CADM2: variants seen among roughly 807,000 people sequenced by gnomAD.
CADM2 encodes the protein immunoglobulin superfamily member 4D.
CADM2 carries 12 observed loss-of-function variants against 49.8 expected under a neutral mutation model. The ratio of observed to expected loss-of-function variants is 0.24; its 90% CI spans 0.15 to 0.39. The LOEUF (loss-of-function observed/expected upper bound fraction) is 0.39. CADM2 is among the 10% of genes least tolerant of loss of function. CADM2 has a pLI of 1.00. For missense variants in CADM2, 378 were observed against 492.3 expected (o/e 0.77, Z 2.20); for synonymous variants, 214 against 175.4 (o/e 1.22, Z -1.74).
chr3:85,504,365 C>A (rs193168209), intron 1 of CADM2, among the ~76,000 whole-genome samples: 1 of 152,178 alleles, frequency 6.6e-6, no homozygotes, highest in African/African-American at 2.4e-5. Context: ...AAAGAGTGAG[C>A]AGTGGCAAGA....
intron 1 of CADM2, among the ~76,000 whole-genome samples, chr3:84,973,289 T>C (rs1049787585): frequency 4.6e-5 from 7 of 152,154 alleles, no homozygotes; most frequent in African/African-American, 1.7e-4. Flanking sequence ...AATGCAGATA[T>C]ATCAATGAGG....
At chr3:85,185,469 C>A (rs1030501035) in intron 1 of CADM2, among the ~76,000 whole-genome samples, 3 of 152,006 alleles carry the variant, frequency 2.0e-5, no homozygotes, top group African/African-American at 7.2e-5. Context: ...TCATATGCAG[C>A]ATAAGCACTT....
At chr3:84,992,711 C>T (rs1212884702) in intron 1 of CADM2, among the ~76,000 whole-genome samples, 1 of 152,072 alleles carries the variant, frequency 6.6e-6, no homozygotes, top group Non-Finnish European at 1.5e-5. Flanking sequence ...CTTAGTACCT[C>T]AAATCGTATT....
At chr3:85,678,652 G>A (rs73143380) in intron 1 of CADM2, among the ~76,000 whole-genome samples, 8,833 of 152,112 alleles carry the variant, frequency 0.058, 411 homozygotes, top group Non-Finnish European at 0.082. Context: ...AACATTTTCC[G>A]TTCATCATCT....
At chr3:85,450,425 T>A (rs2037701337) in intron 1 of CADM2, among the ~76,000 whole-genome samples, 1 of 152,008 alleles carries the variant, frequency 6.6e-6, no homozygotes, top group Non-Finnish European at 1.5e-5. Flanking sequence ...CAGAAAATGG[T>A]TTTGAACAAT....
rs558528719 is a variant in CADM2, at chr3:85,307,554, C to G, written c.61+347886C>G. Among the ~76,000 whole-genome samples, 233 of 151,618 alleles carry G rather than the reference C, an allele frequency of 1.5e-3. 2 individuals are homozygous for G. Among genetic ancestry groups the G allele is most frequent in the African/African-American group, 5.5e-3 (226 of 41,448 alleles). ...ATTTTTACAATAATTAAATAATTTC[C>G]AATGCTGCAATTTATTTCATTGTTT... On this transcript the variant is annotated intron_variant, in intron 1 of 9. Coordinates refer to ENST00000383699, the MANE Select transcript of CADM2 (RefSeq NM_001167675.2).
At chr3:85,283,802 G>A (rs2043562220) in intron 1 of CADM2, among the ~76,000 whole-genome samples, 1 of 152,068 alleles carries the variant, frequency 6.6e-6, no homozygotes, top group Admixed American at 6.6e-5. Context: ...AGTAGGGCAA[G>A]GATTAGTGAG....
chr3:85,194,067 A>G (rs2041278642), intron 1 of CADM2, among the ~76,000 whole-genome samples: 1 of 152,136 alleles, frequency 6.6e-6, no homozygotes, highest in Non-Finnish European at 1.5e-5. Flanking sequence ...AAGCCTTCCT[A>G]AAGAAGTAGT....
chr3:85,655,769 AG>A (rs2065178165), intron 1 of CADM2, among the ~76,000 whole-genome samples: 1 of 152,160 alleles, frequency 6.6e-6, no homozygotes, highest in Admixed American at 6.5e-5. Context: ...TCACCAGAAA[AG>A]TGATTGTTAA....
At chr3:85,225,312 T>C (rs1559730313) in intron 1 of CADM2, among the ~76,000 whole-genome samples, 1 of 152,342 alleles carries the variant, frequency 6.6e-6, no homozygotes, top group African/African-American at 2.4e-5. Context: ...GAAGAGGTCA[T>C]TCACATCCCT....
chr3:85,188,618 G>T (rs1454962175), intron 1 of CADM2, among the ~76,000 whole-genome samples: 2 of 151,224 alleles, frequency 1.3e-5, no homozygotes, highest in East Asian at 1.9e-4. Flanking sequence ...ATATCCTGTG[G>T]GTGTCAATCA....
chr3:85,443,923 A>C (rs2037323997), intron 1 of CADM2, among the ~76,000 whole-genome samples: 1 of 151,946 alleles, frequency 6.6e-6, no homozygotes, highest in South Asian at 2.1e-4. Flanking sequence ...TTAGATAGGT[A>C]TCTCAGATTT....
At chr3:85,671,491 A>G (rs1185072379) in intron 1 of CADM2, among the ~76,000 whole-genome samples, 2 of 152,230 alleles carry the variant, frequency 1.3e-5, no homozygotes, top group Non-Finnish European at 2.9e-5. Context: ...AAATATATAC[A>G]TGGTGAATAG....
rs139479014 is a variant in CADM2, at chr3:85,113,892, G to A, written c.61+154224G>A. ...CAAGTGTCTTCAAGTTTCAATAGCT[G>A]TAAGTAAGCAGTGTGATGGCAAGAG... On this transcript the variant is annotated intron_variant, in intron 1 of 9. Coordinates refer to ENST00000383699, the MANE Select transcript of CADM2 (RefSeq NM_001167675.2). Among the ~76,000 whole-genome samples the A allele has an allele frequency of 2.4e-3, 370 of 152,114 alleles. 1 individual carries two copies. The highest frequency in any genetic ancestry group is 8.7e-3 in the African/African-American group (363 of 41,520).
chr3:85,085,494 T>C (rs1055965125), intron 1 of CADM2, among the ~76,000 whole-genome samples: 2 of 152,162 alleles, frequency 1.3e-5, no homozygotes, highest in Admixed American at 6.6e-5. Flanking sequence ...ACATTTTCTT[T>C]ATTCATTCAT....
intron 1 of CADM2, among the ~76,000 whole-genome samples, chr3:85,253,963 GA>G (rs2042831096): frequency 6.6e-6 from 1 of 152,042 alleles, no homozygotes; most frequent in Non-Finnish European, 1.5e-5. Flanking sequence ...ATTCAGTTCT[GA>G]TATTATCTAT....
intron 2 of CADM2, among the ~76,000 whole-genome samples, chr3:85,779,623 C>T (rs1034287159): frequency 6.6e-6 from 1 of 152,048 alleles, no homozygotes; most frequent in Non-Finnish European, 1.5e-5. Context: ...GTAACCAACC[C>T]CATGATTAAA....
intron 1 of CADM2, among the ~76,000 whole-genome samples, chr3:85,058,131 C>A (rs1452309252): frequency 6.6e-6 from 1 of 152,014 alleles, no homozygotes; most frequent in Non-Finnish European, 1.5e-5. Flanking sequence ...TGTATGTAAA[C>A]TATGGGAAAA....
intron 8 of CADM2, among the ~76,000 whole-genome samples, chr3:86,049,301 G>A (rs1320186154): frequency 6.7e-6 from 1 of 149,076 alleles, no homozygotes; most frequent in African/African-American, 2.5e-5. Context: ...TTGAGACAGA[G>A]TCTCACTCTG....
Sources: allele counts gnomAD v4.1 joint callset (sites outside exome capture counted in the v4.1 genomes callset), GRCh38; gene constraint gnomAD v4.1.1; transcripts MANE v1.5; gene names NCBI Gene and HGNC (gene_info 2026-07-23, HGNC 2026-07-21).